TNFAIP6: variants seen among roughly 807,000 people sequenced by gnomAD.
The protein encoded by TNFAIP6 is tumor necrosis factor-inducible gene 6 protein.
In TNFAIP6, 36 loss-of-function variants were observed where a neutral mutation model predicts 33.7. The ratio of observed to expected loss-of-function variants is 1.07; its 90% confidence interval spans 0.82 to 1.41. The LOEUF (loss-of-function observed/expected upper bound fraction) is 1.41, where lower values mean the gene tolerates loss of function less well. Ranked by LOEUF, TNFAIP6 falls within the 40% of genes most tolerant of loss-of-function variation. The pLI, the probability that TNFAIP6 is intolerant of heterozygous loss-of-function variation, is 0.00. For missense variants in TNFAIP6, 273 were observed against 331.9 expected (o/e 0.82, Z 1.38); for synonymous variants, 113 against 112.8 (o/e 1.00, Z -0.01).
At chr2:151,373,293 C>T (rs192776529) in intron 4 of TNFAIP6, among the ~76,000 whole-genome samples, 1 of 152,122 alleles carries the variant, frequency 6.6e-6, no homozygotes, top group East Asian at 1.9e-4. Flanking sequence ...CCAGCCTGAG[C>T]GACAGAGCAA....
At position 151,373,229 on chromosome 2, in the gene TNFAIP6, C is replaced by T. The variant is rs187594310; in HGVS notation, c.624-320C>T. ...ACTTGGGAGGCTGAGGCAGGAGAAT[C>T]GCTTGAACCCAGGAGGAAGAGGTTG... is the stretch of plus-strand genomic sequence containing the variant. On this transcript the variant is annotated intron_variant, in intron 4 of 5. Coordinates refer to ENST00000243347, the MANE Select transcript of TNFAIP6 (RefSeq NM_007115.4). 4.1e-3 allele frequency among the ~76,000 whole-genome samples: 624 copies of T among 152,148 alleles called. 5 individuals are homozygous for T. The highest frequency in any genetic ancestry group is 5.7e-3 in the Non-Finnish European group (388 of 68,010).
chr2:151,363,073 T>C (rs1042717738), intron 1 of TNFAIP6, among the ~76,000 whole-genome samples: 2 of 152,094 alleles, frequency 1.3e-5, no homozygotes, highest in African/African-American at 2.4e-5. Context: ...CCTAACACTT[T>C]GGGAGGCCGA....
At chr2:151,365,678 A>G (rs574983657) in intron 2 of TNFAIP6, among the ~76,000 whole-genome samples, 1 of 152,314 alleles carries the variant, frequency 6.6e-6, no homozygotes, top group South Asian at 2.1e-4. Flanking sequence ...ATCTTAATTG[A>G]TCCTAAAATA....
At chr2:151,371,827 TC>T (rs1684821228) in intron 4 of TNFAIP6, among the ~76,000 whole-genome samples, 2 of 152,174 alleles carry the variant, frequency 1.3e-5, no homozygotes, top group Admixed American at 1.3e-4. Context: ...ACTCCTGACT[TC>T]AGGTGATCCA....
intron 3 of TNFAIP6, among the ~76,000 whole-genome samples, chr2:151,369,381 C>T (rs931209901): frequency 6.6e-6 from 1 of 152,034 alleles, no homozygotes; most frequent in Non-Finnish European, 1.5e-5. Flanking sequence ...CCTCAAACTC[C>T]TAGGCTCATG....
chr2:151,365,302 C>T (rs1174225354), intron 2 of TNFAIP6, among the ~76,000 whole-genome samples: 10 of 151,954 alleles, frequency 6.6e-5, no homozygotes, highest in Non-Finnish European at 1.5e-5. Context: ...GTGTTCATGC[C>T]ACTGCACTCT....
intron 3 of TNFAIP6, 84 bp from the exon 4 acceptor site, chr2:151,369,936 A>T: frequency 9.7e-7 from 1 of 1,032,450 alleles, no homozygotes; most frequent in Non-Finnish European, 1.4e-6. Flanking sequence ...AAAGTAATAG[A>T]TTGCTAAGAA....
chr2:151,363,495 T>TA (rs11367357), intron 1 of TNFAIP6, among the ~76,000 whole-genome samples: 40 of 139,972 alleles, frequency 2.9e-4, no homozygotes, highest in East Asian at 1.3e-3. Context: ...GTCGCTACTT[T>TA]AAAAAAAAAA....
chr2:151,358,300 ATT>A (rs1684568624), intron 1 of TNFAIP6, among the ~76,000 whole-genome samples: 3 of 152,240 alleles, frequency 2.0e-5, no homozygotes. Flanking sequence ...TTCTGAATGC[ATT>A]CTTACCACTT....
At chr2:151,375,203 A>C (rs1298622819) in intron 5 of TNFAIP6, among the ~76,000 whole-genome samples, 1 of 151,846 alleles carries the variant, frequency 6.6e-6, no homozygotes, top group Non-Finnish European at 1.5e-5. Context: ...CTCCAAATGT[A>C]ATCAAATCAG....
At chr2:151,379,226 T>C (rs551594223) in intron 5 of TNFAIP6, 138 bp from the exon 6 acceptor site, 19 of 783,572 alleles carry the variant, frequency 2.4e-5, no homozygotes, top group Non-Finnish European at 3.7e-5. Flanking sequence ...ACTCTTCAGC[T>C]TGAGAATCGA....
chr2:151,375,260 A>AC (rs1181113298), intron 5 of TNFAIP6, among the ~76,000 whole-genome samples: 16 of 151,190 alleles, frequency 1.1e-4, no homozygotes, highest in Non-Finnish European at 2.2e-4. Context: ...GAAAAAAAAA[A>AC]CCCACACAAT....
At position 151,371,572 on chromosome 2, in the gene TNFAIP6, C is replaced by A. The variant is rs556878841; in HGVS notation, c.623+1324C>A. Among the ~76,000 whole-genome samples the A allele has an allele frequency of 1.3e-4, 20 of 151,412 alleles. No homozygotes were observed. In the East Asian group the frequency reaches 3.5e-3, roughly 26 times the overall value. ...GGGAAAATATTTTTTGTTTTGTTTT[C>A]TTCTTTCTACATCTTTTTTTCTTTT... On this transcript the variant is annotated intron_variant, in intron 4 of 5. Transcript: ENST00000243347.
intron 3 of TNFAIP6, among the ~76,000 whole-genome samples, chr2:151,369,801 C>A (rs1000892017): frequency 6.6e-6 from 1 of 152,018 alleles, no homozygotes; most frequent in Non-Finnish European, 1.5e-5. Context: ...AATAAATTCA[C>A]AAAGAGTCCA....
Position 151,370,204 on chromosome 2 carries a change from T to G in TNFAIP6, c.579T>G (p.Val193=). The G allele has an allele frequency of 6.2e-7, 1 of 1,614,146 alleles. No homozygotes were observed. Among genetic ancestry groups the G allele is most frequent in the Non-Finnish European group, 8.5e-7 (1 of 1,180,020 alleles). The part of the protein sequence containing the change: ...EDDPGCLADY[V]EIYDSYDDVH... ...ACCCAGGTTGCTTGGCTGATTATGT[T>G]GAAATATATGACAGTTACGATGATG... Residue 193 remains valine, a synonymous_variant, in exon 4 of 6, where the codon GTT becomes GTG. Coordinates refer to ENST00000243347, the MANE Select transcript of TNFAIP6 (RefSeq NM_007115.4).
Position 151,370,242 on chromosome 2 carries a change from T to C in TNFAIP6, c.617T>C (p.Val206Ala). ...YDSYDDVHGFVGRYCGDELPD... is the reference protein window; with the variant it reads ...YDSYDDVHGFAGRYCGDELPD... ...AGTTACGATGATGTCCATGGCTTTG[T>C]GGGAAGGTACGTATGGGTCCCCATA... The change falls in exon 4 of 6, where the codon GTG becomes GCG. Residue 206 changes from valine (V) to alanine (A), a missense_variant. Val to Ala is a moderately conservative substitution (Grantham distance 64). Coordinates refer to ENST00000243347, the MANE Select transcript of TNFAIP6 (RefSeq NM_007115.4). 6.2e-7 allele frequency: 1 copy of C among 1,613,370 alleles called. No individual in the cohort carries two copies. Among genetic ancestry groups the C allele is most frequent in the East Asian group, 2.2e-5 (1 of 44,864 alleles).
In TNFAIP6 at chr2:151,379,531, T is replaced by TAAAA; in HGVS notation, c.*9_*12dup. The TAAAA allele has an allele frequency of 7.5e-7, 1 of 1,337,064 alleles. No individual in the cohort carries two copies. The highest frequency in any genetic ancestry group is 9.9e-7 in the Non-Finnish European group (1 of 1,005,428). 82.8% of individuals were successfully genotyped at this position (1,337,064 alleles called of 1,614,324 possible). A position where few individuals can be genotyped will look rare whatever the true frequency, so the allele number is the denominator to read the frequency against. ...TTTAGCTGGAAGATTTAGCCACTTA[T>TAAAA]AAAAAAAAAAAAAAGGATGATCAAA... is the stretch of plus-strand genomic sequence containing the variant. On this transcript the variant is annotated frameshift_variant and stop_retained_variant, in exon 6 of 6. Coordinates refer to ENST00000243347, the MANE Select transcript of TNFAIP6 (RefSeq NM_007115.4). LOFTEE classifies it high-confidence loss of function.
At chr2:151,371,795 A>G (rs1684820523) in intron 4 of TNFAIP6, among the ~76,000 whole-genome samples, 1 of 151,970 alleles carries the variant, frequency 6.6e-6, no homozygotes, top group Non-Finnish European at 1.5e-5. Context: ...GGGTTTCACC[A>G]TGTTGGCCAG....
chr2:151,365,649 T>TA (rs1217471299), intron 2 of TNFAIP6, among the ~76,000 whole-genome samples: 1 of 151,962 alleles, frequency 6.6e-6, no homozygotes, highest in African/African-American at 2.4e-5. Context: ...AAAAAATAGA[T>TA]AAATAAGATA....
Sources: allele counts gnomAD v4.1 joint callset (sites outside exome capture counted in the v4.1 genomes callset), GRCh38; gene constraint gnomAD v4.1.1; transcripts MANE v1.5; gene names NCBI Gene and HGNC (gene_info 2026-07-23, HGNC 2026-07-21).